The following ERC1 variants were observed in gnomAD, a reference collection of about 807,000 sequenced individuals.
ERC1 encodes the protein ELKS/RAB6-interacting/CAST family member 1, also known as RAB6 interacting protein 2.
A neutral mutation model predicts 132.0 loss-of-function variants in ERC1; 56 were observed. The ratio of observed to expected loss-of-function variants is 0.42; its 90% CI spans 0.34 to 0.53. The LOEUF is 0.53. Among genes scored for constraint, ERC1 ranks in the 20% least tolerant of loss-of-function variants. The pLI is 0.03. For synonymous variants in ERC1, 478 were observed against 476.1 expected, an observed-to-expected ratio of 1.00 and a Z score of -0.05; for missense variants, 1,202 against 1,349.9, an observed-to-expected ratio of 0.89 and a Z score of 1.72.
intron 7 of ERC1, among the ~76,000 whole-genome samples, chr12:1,121,014 C>T (rs1485627125): frequency 6.6e-6 from 1 of 152,138 alleles, no homozygotes; most frequent in Non-Finnish European, 1.5e-5. Flanking sequence ...TAGAGATCAT[C>T]CAGTCTTTCC....
chr12:1,205,397 C>A (rs868603914), intron 12 of ERC1, among the ~76,000 whole-genome samples: 68 of 135,736 alleles, frequency 5.0e-4, no homozygotes, highest in Middle Eastern at 7.3e-3. Context: ...ATATATATAT[C>A]TGTGTGTGTG....
At chr12:1,008,875 A>G (rs1189905005) in intron 1 of ERC1, among the ~76,000 whole-genome samples, 1 of 152,184 alleles carries the variant, frequency 6.6e-6, no homozygotes, top group Non-Finnish European at 1.5e-5. Flanking sequence ...CTCACTAGCC[A>G]CCTTTCAAGT....
At chr12:1,271,901 C>T (rs1296367737) in intron 14 of ERC1, among the ~76,000 whole-genome samples, 3 of 152,210 alleles carry the variant, frequency 2.0e-5, no homozygotes, top group African/African-American at 7.2e-5. Context: ...TCTTACAAAG[C>T]TGAAAGTAGG....
At chr12:1,271,699 A>G (rs1244102193) in intron 14 of ERC1, among the ~76,000 whole-genome samples, 1 of 152,172 alleles carries the variant, frequency 6.6e-6, no homozygotes, top group Non-Finnish European at 1.5e-5. Context: ...ATGCGTGCAC[A>G]ATTTATATTT....
chr12:1,401,887 C>T (rs564361633), intron 16 of ERC1, among the ~76,000 whole-genome samples: 6 of 151,898 alleles, frequency 4.0e-5, no homozygotes, highest in Non-Finnish European at 7.4e-5. Flanking sequence ...AAGATTCTGC[C>T]GAAATTATCC....
rs143833975 is a variant in ERC1, at chr12:1,242,676, G to T, written c.2487+5772G>T. Among the ~76,000 whole-genome samples, 119 of 152,242 alleles carry T rather than the reference G, an allele frequency of 7.8e-4. No individual in the cohort carries two copies. The East Asian group carries it at 0.021, about 27-fold the overall frequency. On this transcript the variant is annotated intron_variant, in intron 13 of 18. Coordinates refer to ENST00000360905, the MANE Select transcript of ERC1 (RefSeq NM_178040.4). ...GATACATGTAAAAGCTTCTATAAGAGCAAATGTTAACAGGATTGGACTAGG... is the reference window on the plus strand; with the variant it reads ...GATACATGTAAAAGCTTCTATAAGATCAAATGTTAACAGGATTGGACTAGG...
At chr12:1,260,906 C>T (rs144378659) in intron 13 of ERC1, among the ~76,000 whole-genome samples, 1 of 152,214 alleles carries the variant, frequency 6.6e-6, no homozygotes, top group East Asian at 1.9e-4. Flanking sequence ...TCCTTATTAT[C>T]GAGAAAGATT....
chr12:1,183,236 T>TAAAAAAA, intron 10 of ERC1, 45 bp from the exon 11 acceptor site: 4 of 1,280,418 alleles, frequency 3.1e-6, no homozygotes, highest in Non-Finnish European at 3.1e-6. Flanking sequence ...TAAACCTCTA[T>TAAAAAAA]TTTTTTTAAA....
chr12:1,442,023 G>A (rs1027204742), intron 17 of ERC1, among the ~76,000 whole-genome samples: 1 of 152,146 alleles, frequency 6.6e-6, no homozygotes, highest in Admixed American at 6.5e-5. Flanking sequence ...CGCTTCCCGG[G>A]TTCAAGCGAT....
chr12:1,009,892 A>G (rs1238496901), intron 1 of ERC1, among the ~76,000 whole-genome samples: 3 of 152,194 alleles, frequency 2.0e-5, no homozygotes, highest in Non-Finnish European at 4.4e-5. Context: ...TTTTTGTTAT[A>G]AAGTTTCATT....
intron 8 of ERC1, among the ~76,000 whole-genome samples, chr12:1,171,382 T>A (rs11061657): frequency 7.4e-6 from 1 of 134,706 alleles, no homozygotes; most frequent in Non-Finnish European, 1.6e-5. Flanking sequence ...TTTTTTTTGG[T>A]AAATTATAGT....
chr12:1,258,131 C>T (rs59651269), intron 13 of ERC1, among the ~76,000 whole-genome samples: 3,238 of 152,242 alleles, frequency 0.021, 113 homozygotes, highest in African/African-American at 0.075. Flanking sequence ...GTATGATTTT[C>T]TCAAATTAAG....
rs12297463 is a variant in ERC1, at chr12:1,261,141, C to T, written c.2488-1893C>T. 5.2e-3 allele frequency among the ~76,000 whole-genome samples: 787 copies of T among 152,184 alleles called. 13 individuals are homozygous for T. The highest frequency in any genetic ancestry group is 0.017 in the African/African-American group (714 of 41,522). On this transcript the variant is annotated intron_variant, in intron 13 of 18. Coordinates refer to ENST00000360905, the MANE Select transcript of ERC1 (RefSeq NM_178040.4). Reference sequence around the variant, plus strand: ...TACAGCCACAAAGCTATTTTTGCCCCACGCAGATGTACAAGTGAAGTTGTT... The same window carrying T: ...TACAGCCACAAAGCTATTTTTGCCCTACGCAGATGTACAAGTGAAGTTGTT...
At chr12:1,055,630 A>T (rs1339671282) in intron 2 of ERC1, among the ~76,000 whole-genome samples, 1 of 152,230 alleles carries the variant, frequency 6.6e-6, no homozygotes, top group African/African-American at 2.4e-5. Flanking sequence ...AAATACATGT[A>T]TATATAGTGT....
chr12:1,082,034 GTTT>G (rs1208399079), intron 2 of ERC1, among the ~76,000 whole-genome samples: 8 of 151,878 alleles, frequency 5.3e-5, no homozygotes, highest in Non-Finnish European at 1.5e-5. Context: ...TTGCTTGTTT[GTTT>G]GTTTGTTTTG....
At chr12:1,204,014 A>C (rs1176741231) in intron 12 of ERC1, 1 of 153,078 alleles carries the variant, frequency 6.5e-6, no homozygotes, top group African/African-American at 2.4e-5. Flanking sequence ...TATTCTACAG[A>C]AGCTGTGTTT....
At chr12:1,192,995 TTTC>T (rs1955883391) in intron 12 of ERC1, among the ~76,000 whole-genome samples, 1 of 152,190 alleles carries the variant, frequency 6.6e-6, no homozygotes, top group Admixed American at 6.5e-5. Context: ...GTAGAATTAA[TTTC>T]TTAAGGGTGT....
chr12:1,074,060 C>T (rs942034871), intron 2 of ERC1, among the ~76,000 whole-genome samples: 120 of 151,346 alleles, frequency 7.9e-4, no homozygotes, highest in Non-Finnish European at 1.5e-3. Context: ...AGACGGCTTT[C>T]ACCATGATGG....
chr12:1,204,257 C>CTT (rs112909125), intron 12 of ERC1, among the ~76,000 whole-genome samples: 4,006 of 146,838 alleles, frequency 0.027, 58 homozygotes, highest in South Asian at 0.053. Flanking sequence ...TTTTAGACAA[C>CTT]TTTTTTTTTT....
Sources: allele counts gnomAD v4.1 joint callset (sites outside exome capture counted in the v4.1 genomes callset), GRCh38; gene constraint gnomAD v4.1.1; transcripts MANE v1.5; gene names NCBI Gene and HGNC (gene_info 2026-07-23, HGNC 2026-07-21).